Variants in PTPN13 observed in about 807,000 individuals in gnomAD.
PTPN13 encodes the protein protein tyrosine phosphatase non-receptor type 13.
Under a neutral mutation model 284.0 loss-of-function variants are expected in PTPN13, and 191 were observed. The observed-to-expected ratio is 0.67, with a 90% CI of 0.60 to 0.76. The LOEUF is 0.76. PTPN13 is among the 30% of genes least tolerant of loss of function. PTPN13 has a pLI of 0.00. For synonymous variants in PTPN13, 986 were observed against 1,022.3 expected (o/e 0.96, Z 0.68); for missense variants, 2,797 against 2,939.9 (o/e 0.95, Z 1.12).
intron 1 of PTPN13, among the ~76,000 whole-genome samples, chr4:86,617,367 A>C (rs1038232161): frequency 2.6e-5 from 4 of 152,174 alleles, no homozygotes; most frequent in Admixed American, 1.3e-4. Flanking sequence ...GATGGTGCAA[A>C]AACAGTAGGC....
At chr4:86,742,431 A>T (rs1736263332) in intron 16 of PTPN13, among the ~76,000 whole-genome samples, 1 of 152,232 alleles carries the variant, frequency 6.6e-6, no homozygotes, top group Non-Finnish European at 1.5e-5. Flanking sequence ...TTCCATTGGC[A>T]GACTTCAGAG....
rs1401919735 is a variant in PTPN13, at chr4:86,649,317, G to A, written c.115+13946G>A. Among the ~76,000 whole-genome samples, 3 of 152,122 alleles carry A rather than the reference G, an allele frequency of 2.0e-5. No homozygotes were observed. In the East Asian group the frequency reaches 5.8e-4, roughly 29 times the overall value. On this transcript the variant is annotated intron_variant, in intron 2 of 47. Coordinates refer to ENST00000411767, the MANE Select transcript of PTPN13 (RefSeq NM_080683.3). ...AATCTTTGTGCACGCCAGTGACCTA[G>A]GGTTTTTCCCCAATGTTTTTTCCTA...
At chr4:86,711,462 C>G (rs961194016) in intron 7 of PTPN13, among the ~76,000 whole-genome samples, 3 of 152,012 alleles carry the variant, frequency 2.0e-5, no homozygotes, top group Non-Finnish European at 2.9e-5. Context: ...TATGGTACTT[C>G]TTTTTTGGTG....
At chr4:86,799,416 C>T (rs1743735089) in intron 42 of PTPN13, among the ~76,000 whole-genome samples, 1 of 151,272 alleles carries the variant, frequency 6.6e-6, no homozygotes, top group Non-Finnish European at 1.5e-5. Flanking sequence ...ACTACAACCA[C>T]CACCTCCGCA....
chr4:86,683,308 C>T (rs1244471080), intron 3 of PTPN13, among the ~76,000 whole-genome samples: 4 of 152,030 alleles, frequency 2.6e-5, no homozygotes, highest in Non-Finnish European at 4.4e-5. Flanking sequence ...AGTCTGAGTC[C>T]GAAGGTCAGA....
intron 36 of PTPN13, among the ~76,000 whole-genome samples, 163 bp from the exon 37 acceptor site, chr4:86,782,038 T>C (rs1333734525): frequency 6.6e-6 from 1 of 152,184 alleles, no homozygotes; most frequent in African/African-American, 2.4e-5. Flanking sequence ...GAATCAAATA[T>C]TATTCCATTT....
At position 86,770,218 on chromosome 4, in the gene PTPN13, A is replaced by T; in HGVS notation, c.4803+19A>T. 1 of 1,588,760 alleles carries T rather than the reference A, an allele frequency of 6.3e-7. No homozygotes were observed. The highest frequency in any genetic ancestry group is 1.1e-5 in the South Asian group (1 of 89,434). On this transcript the variant is annotated intron_variant, in intron 30 of 47. Transcript: ENST00000411767. ...GCTTTTGGTGAGACTTATGAAAAGT[A>T]ATTTACAGTTTTATAGAATATCAAC... is the stretch of plus-strand genomic sequence containing the variant.
chr4:86,693,442 T>G, intron 5 of PTPN13, 145 bp from the exon 6 acceptor site: 1 of 480,612 alleles, frequency 2.1e-6, no homozygotes, highest in Non-Finnish European at 3.7e-6. Flanking sequence ...CAAATTACCC[T>G]ACAAATACAA....
At chr4:86,786,973 C>T (rs1050920410) in intron 40 of PTPN13, among the ~76,000 whole-genome samples, 10 of 151,874 alleles carry the variant, frequency 6.6e-5, no homozygotes, top group South Asian at 2.1e-4. Flanking sequence ...GATGTGGTGG[C>T]GCACACCTGT....
At chr4:86,690,691 A>G (rs1047910598) in intron 5 of PTPN13, among the ~76,000 whole-genome samples, 1 of 151,762 alleles carries the variant, frequency 6.6e-6, no homozygotes, top group Non-Finnish European at 1.5e-5. Context: ...TGCTAATTTT[A>G]CTCCTATAGT....
intron 23 of PTPN13, among the ~76,000 whole-genome samples, chr4:86,760,786 T>C (rs560776249): frequency 6.6e-6 from 1 of 152,174 alleles, no homozygotes; most frequent in Admixed American, 6.5e-5. Flanking sequence ...AGTATACACC[T>C]GTGAAATTGT....
intron 1 of PTPN13, among the ~76,000 whole-genome samples, chr4:86,622,586 A>G (rs1334240748): frequency 6.6e-6 from 1 of 152,182 alleles, no homozygotes; most frequent in African/African-American, 2.4e-5. Flanking sequence ...CAGTGTATAG[A>G]CCTTGTTTGA....
At chr4:86,649,905 G>A (rs1175675427) in intron 2 of PTPN13, among the ~76,000 whole-genome samples, 1 of 152,112 alleles carries the variant, frequency 6.6e-6, no homozygotes, top group Non-Finnish European at 1.5e-5. Flanking sequence ...AAACATTTAA[G>A]CAATATTGAT....
At chr4:86,759,159 A>G in intron 23 of PTPN13, 86 bp downstream of exon 23, 1 of 1,397,484 alleles carries the variant, frequency 7.2e-7, no homozygotes, top group Non-Finnish European at 9.7e-7. Flanking sequence ...AAATGGATTC[A>G]TTGTGTACAA....
At chr4:86,657,180 A>G (rs1178115063) in intron 2 of PTPN13, among the ~76,000 whole-genome samples, 1 of 152,164 alleles carries the variant, frequency 6.6e-6, no homozygotes, top group Admixed American at 6.5e-5. Context: ...TCCCTGGGTA[A>G]GGTGATGCCT....
rs1723161685 is a variant in PTPN13 at position 86,637,461 on chromosome 4, C to T, written c.115+2090C>T. Among the ~76,000 whole-genome samples the T allele has an allele frequency of 5.9e-5, 9 of 151,426 alleles. No individual in the cohort carries two copies. The South Asian group carries it at 1.9e-3, about 32-fold the overall frequency. ...TACTGGCAAACCGAATCCAGCAGCA[C>T]ATCAAAAAGCTTATCCACCATGATC... On this transcript the variant is annotated intron_variant, in intron 2 of 47. Coordinates refer to ENST00000411767, the MANE Select transcript of PTPN13 (RefSeq NM_080683.3).
At chr4:86,638,277 C>G (rs1308250457) in intron 2 of PTPN13, among the ~76,000 whole-genome samples, 1 of 152,120 alleles carries the variant, frequency 6.6e-6, no homozygotes, top group Non-Finnish European at 1.5e-5. Flanking sequence ...ACATTCAATG[C>G]CATCCCCATC....
chr4:86,596,627 G>T (rs1011684142), intron 1 of PTPN13, among the ~76,000 whole-genome samples: 1 of 152,096 alleles, frequency 6.6e-6, no homozygotes, highest in African/African-American at 2.4e-5. Context: ...TGTATTCTTT[G>T]TTATTGAGAA....
At chr4:86,788,666 C>T (rs1481357031) in intron 40 of PTPN13, among the ~76,000 whole-genome samples, 1 of 152,096 alleles carries the variant, frequency 6.6e-6, no homozygotes, top group Non-Finnish European at 1.5e-5. Context: ...GAATGCTAAT[C>T]GTATACATTA....
Sources: allele counts gnomAD v4.1 joint callset (sites outside exome capture counted in the v4.1 genomes callset), GRCh38; gene constraint gnomAD v4.1.1; transcripts MANE v1.5; gene names NCBI Gene and HGNC (gene_info 2026-07-23, HGNC 2026-07-21).